GON4L: variants seen among roughly 807,000 people sequenced by gnomAD.
GON4L encodes gon-4 like.
In GON4L, 87 loss-of-function variants were observed where a neutral mutation model predicts 211.8. The observed-to-expected ratio is 0.41, with a 90% CI of 0.35 to 0.49. GON4L has a LOEUF of 0.49. GON4L is among the 20% of genes least tolerant of loss of function. The pLI is 0.15. For synonymous variants in GON4L, 875 were observed against 962.6 expected (o/e 0.91, Z 1.68); for missense variants, 2,155 against 2,659.5 (o/e 0.81, Z 4.17).
Position 155,765,192 on chromosome 1 carries a change from G to A in GON4L, c.4281C>T (p.Pro1427=). 1.9e-6 allele frequency: 3 copies of A among 1,614,140 alleles called. No homozygotes were observed. Among genetic ancestry groups the A allele is most frequent in the Non-Finnish European group, 2.5e-6 (3 of 1,180,028 alleles). The change falls in exon 21 of 32, where the codon CCC becomes CCT. Residue 1427 remains proline (P), a synonymous_variant. Transcript: ENST00000368331. The part of the protein sequence containing the change: ...SMDPEVRLSS[P]PGKPEDSSSV... ...TGGATGAATCTTCTGGCTTCCCTGG[G>A]GGGCTACTAAGCCTCACTTCAGGAT...
chr1:155,772,984 T>C (rs1663362581), intron 18 of GON4L, 82 bp downstream of exon 18: 1 of 1,550,588 alleles, frequency 6.4e-7, no homozygotes, highest in Admixed American at 1.7e-5. Flanking sequence ...ATACAAGTCT[T>C]ACTTCCCCTA....
intron 2 of GON4L, among the ~76,000 whole-genome samples, chr1:155,830,956 G>A (rs1669704081): frequency 6.6e-6 from 1 of 152,088 alleles, no homozygotes; most frequent in African/African-American, 2.4e-5. Context: ...TCTGTGTTTT[G>A]AAGGGCAATA....
chr1:155,840,433 G>T (rs1340467229), intron 2 of GON4L, among the ~76,000 whole-genome samples: 1 of 152,054 alleles, frequency 6.6e-6, no homozygotes, highest in Non-Finnish European at 1.5e-5. Flanking sequence ...CCCCAGAATC[G>T]AATCCTAGCT....
At chr1:155,825,638 T>C (rs1669134636) in intron 3 of GON4L, among the ~76,000 whole-genome samples, 1 of 151,644 alleles carries the variant, frequency 6.6e-6, no homozygotes, top group Non-Finnish European at 1.5e-5. Context: ...GGCTCACACC[T>C]GTCATCCCAA....
Position 155,750,357 on chromosome 1 carries a change from A to G in GON4L, c.*227T>C, listed in dbSNP as rs1660447841. The G allele has an allele frequency of 1.5e-6, 1 of 661,976 alleles. No individual in the cohort carries two copies. The highest frequency in any genetic ancestry group is 2.6e-6 in the Non-Finnish European group (1 of 381,084). 41.0% of individuals were successfully genotyped at this position (661,976 alleles called of 1,614,324 possible). On this transcript the variant is annotated 3_prime_UTR_variant, in exon 32 of 32. Coordinates refer to ENST00000368331, the MANE Select transcript of GON4L (RefSeq NM_001282860.2). ...GGAGCTGAACTCCACTCTCGATGCTATTTACAGAGGACATCTGTAAAGTCT... is the reference window on the plus strand; with the variant it reads ...GGAGCTGAACTCCACTCTCGATGCTGTTTACAGAGGACATCTGTAAAGTCT...
intron 15 of GON4L, 122 bp downstream of exon 15, chr1:155,777,500 G>T: frequency 3.8e-6 from 3 of 791,186 alleles, no homozygotes; most frequent in South Asian, 2.8e-5. Flanking sequence ...AAATGCTTGA[G>T]CCCAGAAAGC....
intron 2 of GON4L, among the ~76,000 whole-genome samples, chr1:155,851,617 G>A (rs1036501758): frequency 6.6e-6 from 1 of 151,854 alleles, no homozygotes; most frequent in Non-Finnish European, 1.5e-5. Flanking sequence ...TCAGGAGGCT[G>A]AGGCAGGAGA....
chr1:155,824,462 A>T (rs12125080), intron 3 of GON4L, among the ~76,000 whole-genome samples: 1 of 143,796 alleles, frequency 7.0e-6, no homozygotes, highest in Non-Finnish European at 1.5e-5. Flanking sequence ...AAAAAAAAAA[A>T]GGCTAGGCAC....
intron 28 of GON4L, 134 bp from the exon 29 acceptor site, chr1:155,753,548 A>T: frequency 1.5e-6 from 1 of 681,218 alleles, no homozygotes; most frequent in Non-Finnish European, 2.6e-6. Flanking sequence ...AATTTTGTTG[A>T]CAGAGTTTCA....
chr1:155,784,504 G>A (rs1274488588), intron 13 of GON4L: 2 of 213,696 alleles, frequency 9.4e-6, no homozygotes, highest in Non-Finnish European at 1.9e-5. Context: ...TCCTGCCTCA[G>A]CCTCTGCAGT....
chr1:155,754,524 GTTTTTTTTTTTTTTTT>G, intron 27 of GON4L, 36 bp from the exon 28 acceptor site: 1 of 475,412 alleles, frequency 2.1e-6, no homozygotes, highest in Non-Finnish European at 3.5e-6. Context: ...CTGCCAAGTT[GTTTTTTTTTTTTTTTT>G]TTTTTTTGAG....
chr1:155,754,524 GTTT>G (rs760971402), intron 27 of GON4L, 36 bp from the exon 28 acceptor site: 14,275 of 465,064 alleles, frequency 0.031, 214 homozygotes, highest in African/African-American at 0.19. Flanking sequence ...CTGCCAAGTT[GTTT>G]TTTTTTTTTT....
intron 10 of GON4L, among the ~76,000 whole-genome samples, chr1:155,809,865 TTA>T (rs1251078514): frequency 1.8e-4 from 2 of 11,104 alleles, no homozygotes; most frequent in African/African-American, 5.2e-4. Context: ...AATTATATAC[TTA>T]TATATAATTA....
chr1:155,768,542 C>T (rs1013663291), intron 19 of GON4L, among the ~76,000 whole-genome samples: 2 of 145,108 alleles, frequency 1.4e-5, no homozygotes, highest in African/African-American at 5.2e-5. Context: ...ACCTGGGAGG[C>T]GGAGCTTGCA....
At chr1:155,769,057 C>A (rs72706147) in intron 19 of GON4L, among the ~76,000 whole-genome samples, 2 of 152,048 alleles carry the variant, frequency 1.3e-5, no homozygotes, top group Non-Finnish European at 2.9e-5. Context: ...GCTTACTGAA[C>A]CTCTGTCTCC....
chr1:155,817,633 G>C (rs757873342), intron 6 of GON4L, among the ~76,000 whole-genome samples: 1 of 152,196 alleles, frequency 6.6e-6, no homozygotes, highest in Non-Finnish European at 1.5e-5. Flanking sequence ...AATTAAGAAG[G>C]CCAAGTATAG....
chr1:155,834,719 C>T (rs1670128497), intron 2 of GON4L, among the ~76,000 whole-genome samples: 1 of 152,208 alleles, frequency 6.6e-6, no homozygotes, highest in African/African-American at 2.4e-5. Context: ...TTTACAAATG[C>T]CATGGCAACC....
chr1:155,819,805 T>A (rs1313762759), intron 6 of GON4L, among the ~76,000 whole-genome samples: 1 of 152,366 alleles, frequency 6.6e-6, no homozygotes, highest in South Asian at 2.1e-4. Flanking sequence ...CTCAACACTT[T>A]AGTATTCAAA....
chr1:155,846,871 C>T (rs1330421694), intron 2 of GON4L, among the ~76,000 whole-genome samples: 2 of 151,958 alleles, frequency 1.3e-5, no homozygotes, highest in African/African-American at 2.4e-5. Flanking sequence ...ATTAGCTTGG[C>T]ATGGTGGCAC....
Sources: gnomAD v4.1 joint callset for allele counts (sites outside exome capture counted in the v4.1 genomes callset) on GRCh38, gnomAD v4.1.1 for gene constraint, MANE v1.5 for transcripts, NCBI Gene and HGNC (gene_info 2026-07-23, HGNC 2026-07-21) for gene names.